The following VAV3 variants were observed in gnomAD, a reference collection of about 807,000 sequenced individuals.
The protein encoded by VAV3 is vav guanine nucleotide exchange factor 3.
Under a neutral mutation model 131.2 loss-of-function variants are expected in VAV3, and 94 were observed. The observed-to-expected ratio is 0.72, with a 90% CI of 0.61 to 0.85. The LOEUF (loss-of-function observed/expected upper bound fraction) is 0.85, where lower values mean the gene tolerates loss of function less well. VAV3 is among the 40% of genes least tolerant of loss of function. The probability of loss-of-function intolerance (pLI) is 0.00; values close to 1 mark genes in which losing one functional copy is unlikely to be tolerated. For synonymous variants in VAV3, 349 were observed against 342.0 expected, an observed-to-expected ratio of 1.02 and a Z score of -0.22; for missense variants, 939 against 1,002.7, an observed-to-expected ratio of 0.94 and a Z score of 0.86.
Position 107,704,643 on chromosome 1 carries a change from A to T in VAV3, c.1612T>A (p.Phe538Ile). ...KVCQMLLRGT[F>I]YQGYLCFKCG... ...TTAAAACATAAATAGCCTTGATAAA[A>T]TGTTCCCCTGAAAGGTGAAATAAGA... The change falls in exon 17 of 27, where the codon TTT (phenylalanine) becomes ATT (isoleucine). Residue 538 changes from phenylalanine (F) to isoleucine (I), a missense_variant. Transcript: ENST00000370056. 1.2e-6 allele frequency: 2 copies of T among 1,613,050 alleles called. No homozygotes were observed. The highest frequency in any genetic ancestry group is 1.7e-6 in the Non-Finnish European group (2 of 1,179,394).
rs949272996 is a variant in VAV3 at position 107,768,614 on chromosome 1, G to T, written c.649-105C>A. The T allele has an allele frequency of 8.7e-6, 8 of 915,044 alleles. No homozygotes were observed. In the Admixed American group the frequency reaches 1.5e-4, roughly 18 times the overall value. The allele number at this position is 915,044 out of a possible 1,614,324, so 56.7% of individuals were successfully genotyped here. Reference sequence around the variant, plus strand: ...AAATACGTTTTGAAAGTCAATTGTTGATCAGCATTATAAACACCAAAATTG... The same window carrying T: ...AAATACGTTTTGAAAGTCAATTGTTTATCAGCATTATAAACACCAAAATTG... On this transcript the variant is annotated intron_variant, in intron 6 of 26. Transcript: ENST00000370056.
chr1:107,586,505 A>G (rs1439399897), intron 25 of VAV3, among the ~76,000 whole-genome samples: 1 of 152,156 alleles, frequency 6.6e-6, no homozygotes, highest in Non-Finnish European at 1.5e-5. Flanking sequence ...GTGGAAATTA[A>G]CTGTTGAAGA....
At chr1:107,791,394 A>G (rs1468510416) in intron 2 of VAV3, among the ~76,000 whole-genome samples, 1 of 152,162 alleles carries the variant, frequency 6.6e-6, no homozygotes, top group Non-Finnish European at 1.5e-5. Flanking sequence ...CAAAAAAAAA[A>G]AAAGACTGCT....
chr1:107,765,130 G>A lies in VAV3; in HGVS notation c.867C>T (p.Ile289=), dbSNP rs777004647. ...TCTTAGAAATGTAGTCTAAACTAGA[G>A]ATGGCTGACTCCACTCCACTGCAGT... ...GQYCSGVESA[I]SSLDYISKTK... is the part of the protein sequence containing the mutation. Residue 289 remains isoleucine, a synonymous_variant, in exon 9 of 27, where the codon ATC becomes ATT. Coordinates refer to ENST00000370056, the MANE Select transcript of VAV3 (RefSeq NM_006113.5). 6.2e-7 allele frequency: 1 copy of A among 1,613,492 alleles called. No individual in the cohort carries two copies. The highest frequency in any genetic ancestry group is 8.5e-7 in the Non-Finnish European group (1 of 1,179,622).
intron 21 of VAV3, among the ~76,000 whole-genome samples, chr1:107,617,341 A>G (rs1653235298): frequency 6.6e-6 from 1 of 152,164 alleles, no homozygotes; most frequent in African/African-American, 2.4e-5. Flanking sequence ...CTACTTAGTT[A>G]TATAAATTCT....
intron 2 of VAV3, among the ~76,000 whole-genome samples, chr1:107,864,863 G>A (rs1482427536): frequency 6.6e-6 from 1 of 152,118 alleles, no homozygotes; most frequent in African/African-American, 2.4e-5. Context: ...ACAGTGCCTT[G>A]AGAGCAGGGG....
intron 2 of VAV3, among the ~76,000 whole-genome samples, chr1:107,872,466 C>A (rs559001728): frequency 1.8e-4 from 28 of 152,204 alleles, no homozygotes; most frequent in Admixed American, 4.6e-4. Flanking sequence ...TTAAATCCTA[C>A]GGAATGGAGG....
chr1:107,583,129 A>C (rs1281772658), intron 25 of VAV3, among the ~76,000 whole-genome samples: 2 of 152,086 alleles, frequency 1.3e-5, no homozygotes, highest in Non-Finnish European at 1.5e-5. Context: ...ATGGTATCTC[A>C]CTGTGGTTTT....
intron 6 of VAV3, among the ~76,000 whole-genome samples, chr1:107,768,824 T>C (rs1664880798): frequency 6.6e-6 from 1 of 152,200 alleles, no homozygotes; most frequent in Non-Finnish European, 1.5e-5. Context: ...ATTTTGGAGA[T>C]GTATATGAAG....
chr1:107,946,236 T>C (rs1156994854), intron 1 of VAV3, among the ~76,000 whole-genome samples: 5 of 152,124 alleles, frequency 3.3e-5, no homozygotes, highest in African/African-American at 1.2e-4. Flanking sequence ...CAGACATGGA[T>C]TCAAGATAAT....
chr1:107,730,145 A>G (rs1662133110), intron 15 of VAV3, among the ~76,000 whole-genome samples: 3 of 152,202 alleles, frequency 2.0e-5, no homozygotes, highest in Non-Finnish European at 4.4e-5. Flanking sequence ...GGTTTAGATA[A>G]CCACTTCAAA....
At chr1:107,795,246 A>G (rs1277492155) in intron 2 of VAV3, among the ~76,000 whole-genome samples, 3 of 152,242 alleles carry the variant, frequency 2.0e-5, no homozygotes, top group Non-Finnish European at 4.4e-5. Flanking sequence ...ATATTTTTAA[A>G]TGGACGAAGT....
At chr1:107,742,195 A>G (rs1228620820) in intron 15 of VAV3, among the ~76,000 whole-genome samples, 1 of 152,140 alleles carries the variant, frequency 6.6e-6, no homozygotes, top group African/African-American at 2.4e-5. Context: ...GGCTGTTGTA[A>G]TATTTTGCCA....
intron 15 of VAV3, among the ~76,000 whole-genome samples, chr1:107,719,772 T>C (rs899017976): frequency 1.3e-5 from 2 of 152,174 alleles, no homozygotes; most frequent in South Asian, 4.1e-4. Context: ...ATGTTTATTG[T>C]GGCACTATTC....
chr1:107,836,709 CA>C (rs1343476080), intron 2 of VAV3, among the ~76,000 whole-genome samples: 13 of 151,966 alleles, frequency 8.6e-5, no homozygotes, highest in Non-Finnish European at 1.9e-4. Flanking sequence ...TACAGATAAG[CA>C]TGATCAAAAA....
chr1:107,758,110 T>C (rs1017555923), intron 10 of VAV3, among the ~76,000 whole-genome samples: 1 of 152,194 alleles, frequency 6.6e-6, no homozygotes, highest in Non-Finnish European at 1.5e-5. Flanking sequence ...TATTGAATGA[T>C]GGCACTTCCA....
At chr1:107,943,728 G>A (rs544792771) in intron 1 of VAV3, among the ~76,000 whole-genome samples, 18 of 152,322 alleles carry the variant, frequency 1.2e-4, no homozygotes, top group East Asian at 5.8e-4. Flanking sequence ...GCAACAGAGC[G>A]AGACTCCGTC....
At chr1:107,861,433 C>T (rs1311849050) in intron 2 of VAV3, among the ~76,000 whole-genome samples, 1 of 151,570 alleles carries the variant, frequency 6.6e-6, no homozygotes, top group East Asian at 1.9e-4. Context: ...TCTGCTGCTT[C>T]TTCCCAAAAG....
chr1:107,772,277 T>G (rs1392826708), intron 5 of VAV3, among the ~76,000 whole-genome samples: 4 of 152,182 alleles, frequency 2.6e-5, no homozygotes, highest in African/African-American at 7.2e-5. Context: ...GCCAGGAGAC[T>G]TACCATGAAA....
Sources: gnomAD v4.1 joint callset for allele counts (sites outside exome capture counted in the v4.1 genomes callset) on GRCh38, gnomAD v4.1.1 for gene constraint, MANE v1.5 for transcripts, NCBI Gene and HGNC (gene_info 2026-07-23, HGNC 2026-07-21) for gene names.